GPC6: variants seen among roughly 807,000 people sequenced by gnomAD.
The protein encoded by GPC6 is glypican 6.
In GPC6, 14 loss-of-function variants were observed where a neutral mutation model predicts 55.2. That is an observed-to-expected ratio of 0.25 (90% CI 0.17 to 0.40). The LOEUF (loss-of-function observed/expected upper bound fraction) is 0.40. Ranked by LOEUF, GPC6 falls within the 10% of genes least tolerant of loss-of-function variation. The pLI, the probability that GPC6 is intolerant of heterozygous loss-of-function variation, is 1.00. For synonymous variants in GPC6, 278 were observed against 259.6 expected (o/e 1.07, Z -0.68); for missense variants, 641 against 708.5 (o/e 0.90, Z 1.08).
rs1878570131 is a variant in GPC6, at chr13:94,351,979, A to AAAAAAAAAAG, written c.1153-30432_1153-30431insAAAAAAGAAA. ...GAAGAAGGCAAAAAAAAAAAAAAAA[A>AAAAAAAAAAG]AAAGAAAAAGAAAAAAAATAAAAGA... On this transcript the variant is annotated intron_variant, in intron 6 of 8. Coordinates refer to ENST00000377047, the MANE Select transcript of GPC6 (RefSeq NM_005708.5). 4.9e-5 allele frequency among the ~76,000 whole-genome samples: 7 copies of AAAAAAAAAAG among 142,932 alleles called. 1 individual carries two copies. The highest frequency in any genetic ancestry group is 7.0e-5 in the Admixed American group (1 of 14,364). 93.8% of individuals were successfully genotyped at this position (142,932 alleles called of 152,430 possible).
chr13:93,267,125 T>C (rs1052439338), intron 1 of GPC6, among the ~76,000 whole-genome samples: 5 of 152,186 alleles, frequency 3.3e-5, no homozygotes, highest in African/African-American at 7.2e-5. Flanking sequence ...AATAGTGATA[T>C]TGTAGTATTA....
chr13:93,618,202 T>C (rs554058540), intron 2 of GPC6, among the ~76,000 whole-genome samples: 2 of 152,242 alleles, frequency 1.3e-5, no homozygotes, highest in South Asian at 4.1e-4. Context: ...TCAAATATTT[T>C]ATATATAAGT....
intron 3 of GPC6, among the ~76,000 whole-genome samples, chr13:93,980,167 A>G (rs1175163469): frequency 6.6e-6 from 1 of 152,100 alleles, no homozygotes. Flanking sequence ...GCCTGTACCA[A>G]CTGAGGCTTT....
At chr13:93,463,214 C>A (rs1330338270) in intron 1 of GPC6, among the ~76,000 whole-genome samples, 2 of 152,142 alleles carry the variant, frequency 1.3e-5, no homozygotes, top group Admixed American at 1.3e-4. Flanking sequence ...GCATGAGTTT[C>A]TCCTGCTTGA....
chr13:94,005,827 A>G (rs1159695324), intron 3 of GPC6, among the ~76,000 whole-genome samples: 3 of 152,110 alleles, frequency 2.0e-5, no homozygotes, highest in African/African-American at 7.2e-5. Context: ...AAAACTGCAT[A>G]TTTTCTCAAG....
chr13:93,727,270 C>T (rs1254636770), intron 2 of GPC6, among the ~76,000 whole-genome samples: 1 of 152,136 alleles, frequency 6.6e-6, no homozygotes, highest in Non-Finnish European at 1.5e-5. Flanking sequence ...CAAATATGGA[C>T]TCTGTTCAGG....
chr13:93,940,406 A>T (rs1410249553), intron 3 of GPC6, among the ~76,000 whole-genome samples: 2 of 144,782 alleles, frequency 1.4e-5, no homozygotes, highest in Admixed American at 1.4e-4. Context: ...GGATGAATGG[A>T]TGGATGAATG....
At chr13:93,944,869 A>G (rs1279944815) in intron 3 of GPC6, among the ~76,000 whole-genome samples, 2 of 151,676 alleles carry the variant, frequency 1.3e-5, no homozygotes, top group African/African-American at 4.8e-5. Context: ...CAAAGTTATC[A>G]TCGATGGGGA....
chr13:93,424,664 T>C (rs1235494302), intron 1 of GPC6, among the ~76,000 whole-genome samples: 1 of 152,140 alleles, frequency 6.6e-6, no homozygotes, highest in Non-Finnish European at 1.5e-5. Context: ...AAAATACATG[T>C]AATACTGAGG....
intron 3 of GPC6, among the ~76,000 whole-genome samples, chr13:93,944,774 A>C (rs1878918684): frequency 1.3e-5 from 2 of 152,168 alleles, no homozygotes; most frequent in African/African-American, 4.8e-5. Flanking sequence ...TTATGGGCAC[A>C]TGTTAAGCAG....
chr13:93,614,647 T>C (rs1304725890), intron 2 of GPC6, among the ~76,000 whole-genome samples: 1 of 152,218 alleles, frequency 6.6e-6, no homozygotes, highest in Non-Finnish European at 1.5e-5. Flanking sequence ...AGTATAGTAT[T>C]ATCAATCCCC....
intron 2 of GPC6, among the ~76,000 whole-genome samples, chr13:93,617,545 C>A (rs74111506): frequency 6.6e-6 from 1 of 151,974 alleles, no homozygotes; most frequent in Non-Finnish European, 1.5e-5. Context: ...TAAGAAGCCC[C>A]CTCGGACACA....
At position 93,823,147 on chromosome 13, in the gene GPC6, G is replaced by A. The variant is rs1387910180; in HGVS notation, c.320-7007G>A. On this transcript the variant is annotated intron_variant, in intron 2 of 8. Coordinates refer to ENST00000377047, the MANE Select transcript of GPC6 (RefSeq NM_005708.5). Reference sequence around the variant, plus strand: ...CAAAGTGCTGGGATTACAGGCATGAGCCACCATGCCTGGCCGAAAATTACT... The same window carrying A: ...CAAAGTGCTGGGATTACAGGCATGAACCACCATGCCTGGCCGAAAATTACT... Among the ~76,000 whole-genome samples, 4 of 152,032 alleles carry A rather than the reference G, an allele frequency of 2.6e-5. No individual in the cohort carries two copies. In the East Asian group the frequency reaches 7.7e-4, roughly 29 times the overall value.
At chr13:94,003,208 C>T (rs1051263856) in intron 3 of GPC6, among the ~76,000 whole-genome samples, 5 of 152,132 alleles carry the variant, frequency 3.3e-5, no homozygotes, top group Admixed American at 2.6e-4. Flanking sequence ...ATAATTGGAA[C>T]CTGCCAAGAA....
At chr13:93,978,509 G>T (rs374647829) in intron 3 of GPC6, among the ~76,000 whole-genome samples, 27 of 152,070 alleles carry the variant, frequency 1.8e-4, no homozygotes, top group African/African-American at 6.5e-4. Flanking sequence ...AATATGTACA[G>T]GAAGATATAC....
At chr13:94,105,330 G>A (rs1886013121) in intron 4 of GPC6, among the ~76,000 whole-genome samples, 2 of 140,276 alleles carry the variant, frequency 1.4e-5, no homozygotes, top group Admixed American at 7.5e-5. Context: ...CTGTGCTCCA[G>A]CCTGAACAAT....
intron 1 of GPC6, among the ~76,000 whole-genome samples, chr13:93,293,186 T>C (rs1048298723): frequency 2.0e-5 from 3 of 151,954 alleles, no homozygotes; most frequent in Non-Finnish European, 1.5e-5. Flanking sequence ...TTCATCATGT[T>C]GCCCAGGCTG....
chr13:93,460,218 G>A (rs1450253270), intron 1 of GPC6, among the ~76,000 whole-genome samples: 1 of 152,172 alleles, frequency 6.6e-6, no homozygotes, highest in Non-Finnish European at 1.5e-5. Context: ...TGAGGCTGTG[G>A]CAGCCAAGCT....
chr13:93,395,046 C>A, intron 1 of GPC6: 2 of 258,448 alleles, frequency 7.7e-6, no homozygotes, highest in South Asian at 5.5e-5. Flanking sequence ...TTCATGGGTC[C>A]AAAATGTGAA....
Sources: allele counts gnomAD v4.1 joint callset (sites outside exome capture counted in the v4.1 genomes callset), GRCh38; gene constraint gnomAD v4.1.1; transcripts MANE v1.5; gene names NCBI Gene and HGNC (gene_info 2026-07-23, HGNC 2026-07-21).